The following TEFM variants were observed in gnomAD, a reference collection of about 807,000 sequenced individuals.
TEFM encodes transcription elongation factor, mitochondrial, also known as transcription elongation factor of mitochondria.
Under a neutral mutation model 23.0 loss-of-function variants are expected in TEFM, and 14 were observed. The ratio of observed to expected loss-of-function variants is 0.61; its 90% confidence interval spans 0.40 to 0.95. The LOEUF is 0.95. Among genes scored for constraint, TEFM ranks in the 40% least tolerant of loss-of-function variants. The probability of loss-of-function intolerance (pLI) is 0.00; values close to 1 mark genes in which losing one functional copy is unlikely to be tolerated. For synonymous variants in TEFM, 155 were observed against 158.3 expected, an observed-to-expected ratio of 0.98 and a Z score of 0.16; for missense variants, 386 against 425.5, an observed-to-expected ratio of 0.91 and a Z score of 0.82.
At chr17:30,903,021 T>C (rs1455159679) in intron 2 of TEFM, among the ~76,000 whole-genome samples, 3 of 150,804 alleles carry the variant, frequency 2.0e-5, no homozygotes, top group Non-Finnish European at 4.4e-5. Context: ...CATGTGCCTG[T>C]AGTTTCAGCT....
Position 30,906,212 on chromosome 17 carries a change from C to T in TEFM, c.-14G>A. 2 of 1,614,272 alleles carry T rather than the reference C, an allele frequency of 1.2e-6. No homozygotes were observed. The highest frequency in any genetic ancestry group is 2.2e-5 in the East Asian group (1 of 44,876). On this transcript the variant is annotated 5_prime_UTR_variant, in exon 1 of 4. It removes the in-frame stop codon of an upstream open reading frame in the 5' UTR. Transcript: ENST00000581216. ...AGACCCGCTCATCTCCAAGTTGAATCAGTAGGTCCAGTCTTCCTCCATTGA... is the reference window on the plus strand; with the variant it reads ...AGACCCGCTCATCTCCAAGTTGAATTAGTAGGTCCAGTCTTCCTCCATTGA...
chr17:30,904,680 T>TA, intron 1 of TEFM, 151 bp from the exon 2 acceptor site: 2 of 562,914 alleles, frequency 3.6e-6, no homozygotes, highest in Non-Finnish European at 6.0e-6. Context: ...TGGAGAATCA[T>TA]CTTTTTTTTT....
In TEFM at chr17:30,904,144, T is replaced by C. The variant is rs749579966; in HGVS notation, c.417A>G (p.Gly139=). 9.9e-6 allele frequency: 16 copies of C among 1,614,174 alleles called. No homozygotes were observed. Among genetic ancestry groups the C allele is most frequent in the Middle Eastern group, 1.7e-4 (1 of 6,060 alleles). ...TTTCCGGTGACTTTCTTTTTTCCCGTCCAGTCTTTGGACAAAGTATGGAGT... is the reference window on the plus strand; with the variant it reads ...TTTCCGGTGACTTTCTTTTTTCCCGCCCAGTCTTTGGACAAAGTATGGAGT... ...VCNSILCPKT[G]REKRKSPENR... is the part of the protein sequence containing the mutation. Residue 139 remains glycine, a synonymous_variant, in exon 2 of 4, where the codon GGA becomes GGG. Transcript: ENST00000581216.
intron 2 of TEFM, among the ~76,000 whole-genome samples, chr17:30,903,229 G>A (rs191792936): frequency 7.9e-6 from 1 of 126,584 alleles, no homozygotes; most frequent in African/African-American, 3.0e-5. Context: ...TTAGAATGGT[G>A]TTTTTTTTTT....
chr17:30,904,201 C>A lies in TEFM; in HGVS notation c.360G>T (p.Leu120Phe), dbSNP rs776849605. The change falls in exon 2 of 4, where the codon TTG becomes TTT. Residue 120 changes from leucine (L) to phenylalanine (F), a missense_variant. By Grantham distance (22) the Leu-to-Phe change is conservative. Coordinates refer to ENST00000581216, the MANE Select transcript of TEFM (RefSeq NM_024683.4). ...QNLESLMNVPLFKYKSTVQVC... is the reference protein window; with the variant it reads ...QNLESLMNVPFFKYKSTVQVC... ...CTTGAACTGTACTTTTATACTTAAA[C>A]AAGGGCACATTCATTAAACTCTCTA... 59 of 1,613,946 alleles carry A rather than the reference C, an allele frequency of 3.7e-5. No homozygotes were observed. Among genetic ancestry groups the A allele is most frequent in the Non-Finnish European group, 4.7e-5 (56 of 1,180,004 alleles).
At chr17:30,900,275 A>T in intron 3 of TEFM, 138 bp downstream of exon 3, 1 of 822,126 alleles carries the variant, frequency 1.2e-6, no homozygotes, top group Admixed American at 3.0e-5. Context: ...GTGATGGAAA[A>T]CATAATAGGA....
intron 2 of TEFM, 109 bp from the exon 3 acceptor site, chr17:30,900,671 A>G (rs1185250574): frequency 2.3e-6 from 2 of 878,018 alleles, no homozygotes; most frequent in Non-Finnish European, 3.4e-6. Flanking sequence ...GCGCGATCTC[A>G]ACTCACTACA....
chr17:30,904,384 A>G lies in TEFM; in HGVS notation c.177T>C (p.Asn59=), dbSNP rs1474885290. 6.2e-7 allele frequency: 1 copy of G among 1,614,106 alleles called. No homozygotes were observed. The highest frequency in any genetic ancestry group is 1.7e-5 in the Admixed American group (1 of 60,012). The change falls in exon 2 of 4, where the codon AAT becomes AAC. Residue 59 remains asparagine (N), a synonymous_variant. Transcript: ENST00000581216. ...FCDENAKEPE[N]ALDKLFSSEQ... Reference sequence around the variant, plus strand: ...CTGAAGAGAAGAGCTTGTCAAGTGCATTTTCGGGCTCCTTTGCATTTTCAT... The same window carrying G: ...CTGAAGAGAAGAGCTTGTCAAGTGCGTTTTCGGGCTCCTTTGCATTTTCAT...
At chr17:30,901,184 C>G (rs1262499500) in intron 2 of TEFM, among the ~76,000 whole-genome samples, 1 of 151,978 alleles carries the variant, frequency 6.6e-6, no homozygotes, top group Non-Finnish European at 1.5e-5. Flanking sequence ...CCACACCCAG[C>G]TAATTTTTGT....
At chr17:30,900,210 C>T (rs752044070) in intron 3 of TEFM, 16 of 473,368 alleles carry the variant, frequency 3.4e-5, no homozygotes, top group Non-Finnish European at 5.2e-5. Flanking sequence ...TATCTGCCTT[C>T]GATGCATAAG....
At position 30,904,262 on chromosome 17, in the gene TEFM, A is replaced by G; in HGVS notation, c.299T>C (p.Val100Ala). 1 of 1,614,192 alleles carries G rather than the reference A, an allele frequency of 6.2e-7. No individual in the cohort carries two copies. The highest frequency in any genetic ancestry group is 8.5e-7 in the Non-Finnish European group (1 of 1,180,036). The change falls in exon 2 of 4, where the codon GTA becomes GCA. Residue 100 changes from valine to alanine, a missense_variant. Physicochemically the swap from Val to Ala is moderately conservative, Grantham distance 64. Transcript: ENST00000581216. ...TGGCCCAAAGTTTTCTCTGTGCTCT[A>G]CGATATTGATGGACCTTCTTCCACG... ...LLRGRRSINI[V>A]EHRENFGPFQ...
At chr17:30,901,584 T>A (rs1172193677) in intron 2 of TEFM, among the ~76,000 whole-genome samples, 1 of 152,292 alleles carries the variant, frequency 6.6e-6, no homozygotes, top group African/African-American at 2.4e-5. Context: ...TCTGGAAAGA[T>A]AGGCTGTTTG....
chr17:30,906,126 A>G (rs750504629), intron 1 of TEFM, 42 bp downstream of exon 1: 10 of 1,470,928 alleles, frequency 6.8e-6, no homozygotes, highest in Non-Finnish European at 9.1e-6. Context: ...GTCAGAGGCT[A>G]ATGACAGACG....
Position 30,898,997 on chromosome 17 carries a change from G to A in TEFM, c.*172C>T. On this transcript the variant is annotated 3_prime_UTR_variant, in exon 4 of 4. Transcript: ENST00000581216. Reference sequence around the variant, plus strand: ...TGAGAGGCACAGAATCTCATAAAATGTTTATTGATTTGGTCTTGGCTTATT... The same window carrying A: ...TGAGAGGCACAGAATCTCATAAAATATTTATTGATTTGGTCTTGGCTTATT... 1 of 608,070 alleles carries A rather than the reference G, an allele frequency of 1.6e-6. No homozygotes were observed. The highest frequency in any genetic ancestry group is 2.5e-5 in the South Asian group (1 of 40,528). The allele number at this position is 608,070 out of a possible 1,614,324, so 37.7% of individuals were successfully genotyped here. A position where few individuals can be genotyped will look rare whatever the true frequency, so the allele number is the denominator to read the frequency against.
At chr17:30,903,971 C>G (rs752246370) in intron 2 of TEFM, 95 bp downstream of exon 2, 3 of 1,074,750 alleles carry the variant, frequency 2.8e-6, no homozygotes, top group African/African-American at 1.6e-5. Context: ...CCTGAAGAAC[C>G]CTGTCTTAGC....
intron 2 of TEFM, among the ~76,000 whole-genome samples, chr17:30,903,137 A>C (rs1910079648): frequency 2.3e-5 from 1 of 43,048 alleles, no homozygotes; most frequent in African/African-American, 4.1e-4. Flanking sequence ...ACTCTGTCTC[A>C]AAAAAAAAAA....
intron 1 of TEFM, 101 bp downstream of exon 1, chr17:30,906,067 C>T (rs1215849971): frequency 7.3e-6 from 10 of 1,363,526 alleles, no homozygotes; most frequent in Non-Finnish European, 9.9e-6. Context: ...GGAAATCACC[C>T]CAGTGTTCCA....
In TEFM at chr17:30,899,425, A is replaced by G. The variant is rs1373361131; in HGVS notation, c.827T>C (p.Met276Thr). ...ATGCTTCCCCACTGCATTTCGATTCATGCTCAGCACCTGATGCTGCCCATC... is the reference window on the plus strand; with the variant it reads ...ATGCTTCCCCACTGCATTTCGATTCGTGCTCAGCACCTGATGCTGCCCATC... ...AQDGQHQVLSMNRNAVGKHFE... is the reference protein window; with the variant it reads ...AQDGQHQVLSTNRNAVGKHFE... Residue 276 changes from methionine to threonine, a missense_variant, in exon 4 of 4, where the codon ATG becomes ACG. Physicochemically the swap from Met to Thr is moderately conservative, Grantham distance 81. Coordinates refer to ENST00000581216, the MANE Select transcript of TEFM (RefSeq NM_024683.4). The G allele has an allele frequency of 1.2e-6, 2 of 1,614,230 alleles. No individual in the cohort carries two copies. Among genetic ancestry groups the G allele is most frequent in the South Asian group, 1.1e-5 (1 of 91,092 alleles).
chr17:30,903,993 C>A (rs777237505), intron 2 of TEFM, 73 bp downstream of exon 2: 2 of 1,370,330 alleles, frequency 1.5e-6, no homozygotes, highest in East Asian at 2.4e-5. Flanking sequence ...ACTTCCCAAC[C>A]CAATGCCCAG....
Sources: allele counts gnomAD v4.1 joint callset (sites outside exome capture counted in the v4.1 genomes callset), GRCh38; gene constraint gnomAD v4.1.1; transcripts MANE v1.5; gene names NCBI Gene and HGNC (gene_info 2026-07-23, HGNC 2026-07-21).